Variants in CNBD1 observed in about 807,000 individuals in gnomAD.
CNBD1 encodes cyclic nucleotide-binding domain-containing protein 1.
A neutral mutation model predicts 54.4 loss-of-function variants in CNBD1; 71 were observed. The ratio of observed to expected loss-of-function variants is 1.30; its 90% CI spans 1.08 to 1.59. The LOEUF is 1.59. CNBD1 is among the 40% of genes most tolerant of loss of function. The pLI is 0.00. For missense variants in CNBD1, 659 were observed against 518.0 expected, an observed-to-expected ratio of 1.27 and a Z score of -2.64; for synonymous variants, 182 against 170.7, an observed-to-expected ratio of 1.07 and a Z score of -0.51.
rs185641195 is a variant in CNBD1 at position 87,143,807 on chromosome 8, G to A, written c.432-62186G>A. On this transcript the variant is annotated intron_variant, in intron 4 of 10. Coordinates refer to ENST00000518476, the MANE Select transcript of CNBD1 (RefSeq NM_173538.3). ...CTATTGGGAGTTCACTGTCTTGTTT[G>A]TTACATGGAGAATAAAATCTTTTAT... 2.8e-3 allele frequency among the ~76,000 whole-genome samples: 420 copies of A among 152,188 alleles called. 1 individual carries two copies. The highest frequency in any genetic ancestry group is 9.8e-3 in the African/African-American group (406 of 41,538).
At chr8:87,398,452 G>T (rs888859469) in intron 2 of CNBD1, among the ~76,000 whole-genome samples, 3 of 151,864 alleles carry the variant, frequency 2.0e-5, no homozygotes, top group Non-Finnish European at 2.9e-5. Flanking sequence ...ATAAACATTT[G>T]CTGTGTGTGT....
At chr8:87,385,507 T>A (rs1171201749), downstream of CNBD1, among the ~76,000 whole-genome samples, 2 of 151,866 alleles carry the variant, frequency 1.3e-5, no homozygotes, top group Admixed American at 1.3e-4. Flanking sequence ...CGCCCACGGA[T>A]CCTTGCTCAT....
intron 8 of CNBD1, among the ~76,000 whole-genome samples, chr8:87,328,761 A>T (rs939194587): frequency 6.6e-6 from 1 of 152,074 alleles, no homozygotes; most frequent in Non-Finnish European, 1.5e-5. Flanking sequence ...TTATTTATTT[A>T]TGCCCTCTTT....
At chr8:87,178,323 G>A (rs997597) in intron 4 of CNBD1, among the ~76,000 whole-genome samples, 30,861 of 152,128 alleles carry the variant, frequency 0.2, 3,444 homozygotes, top group Non-Finnish European at 0.24. Flanking sequence ...CTCTGAGAAA[G>A]CCTCAATGAG....
intron 4 of CNBD1, among the ~76,000 whole-genome samples, chr8:87,030,964 C>A (rs957213271): frequency 1.1e-4 from 15 of 133,324 alleles, no homozygotes; most frequent in African/African-American, 8.5e-5. Flanking sequence ...TCCTCTCCCC[C>A]CTTCTTTCTC....
intron 4 of CNBD1, among the ~76,000 whole-genome samples, chr8:86,985,525 G>A (rs1400506294): frequency 6.6e-6 from 1 of 152,106 alleles, no homozygotes; most frequent in Admixed American, 6.5e-5. Flanking sequence ...TTAGGATTAT[G>A]GGCTCAAGCT....
At chr8:87,414,939 T>G (rs1807812041) in intron 2 of CNBD1, among the ~76,000 whole-genome samples, 1 of 152,038 alleles carries the variant, frequency 6.6e-6, no homozygotes, top group Non-Finnish European at 1.5e-5. Context: ...GACCTGGAAC[T>G]GTTATTCCCC....
At chr8:87,390,950 A>T (rs1007311387) in intron 2 of CNBD1, among the ~76,000 whole-genome samples, 1 of 152,154 alleles carries the variant, frequency 6.6e-6, no homozygotes, top group Non-Finnish European at 1.5e-5. Context: ...AGGGAGATGG[A>T]TGAAGCTGGA....
At chr8:86,990,275 C>A (rs575283802) in intron 4 of CNBD1, among the ~76,000 whole-genome samples, 42 of 152,236 alleles carry the variant, frequency 2.8e-4, no homozygotes, top group Non-Finnish European at 7.3e-5. Context: ...TTTGCCTAGA[C>A]CAGCGTCCTA....
chr8:87,375,800 G>A (rs1274846761), intron 10 of CNBD1, among the ~76,000 whole-genome samples: 1 of 151,782 alleles, frequency 6.6e-6, no homozygotes, highest in Non-Finnish European at 1.5e-5. Flanking sequence ...AAGTTCTTTT[G>A]CAAAGGTACA....
chr8:87,225,350 T>A (rs1162930627), intron 5 of CNBD1, among the ~76,000 whole-genome samples: 2 of 151,868 alleles, frequency 1.3e-5, no homozygotes, highest in Non-Finnish European at 2.9e-5. Context: ...TTCCAGTTTT[T>A]GCCCATTCAG....
At chr8:87,046,270 C>A in intron 4 of CNBD1, among the ~76,000 whole-genome samples, 1 of 152,108 alleles carries the variant, frequency 6.6e-6, no homozygotes, top group East Asian at 1.9e-4. Flanking sequence ...AAATAGGCCT[C>A]TGGCTATAGC....
intron 3 of CNBD1, among the ~76,000 whole-genome samples, chr8:86,912,040 C>T (rs555033629): frequency 2.3e-4 from 35 of 152,120 alleles, no homozygotes; most frequent in Admixed American, 7.9e-4. Context: ...GTCAGTATTA[C>T]GCAAAATGTG....
At chr8:87,090,262 G>T (rs1811179200) in intron 4 of CNBD1, among the ~76,000 whole-genome samples, 1 of 152,182 alleles carries the variant, frequency 6.6e-6, no homozygotes, top group East Asian at 1.9e-4. Flanking sequence ...ATTTCCTTTG[G>T]TGATTCTCTA....
chr8:87,374,771 A>T (rs1810891008), intron 10 of CNBD1, among the ~76,000 whole-genome samples: 1 of 151,860 alleles, frequency 6.6e-6, no homozygotes, highest in South Asian at 2.1e-4. Context: ...TGATGATGAG[A>T]ACCTAGACCT....
At chr8:87,303,582 G>C (rs577935717) in intron 8 of CNBD1, among the ~76,000 whole-genome samples, 1 of 152,104 alleles carries the variant, frequency 6.6e-6, no homozygotes, top group Admixed American at 6.5e-5. Context: ...CATGGGCAAG[G>C]TCTTCATGTC....
chr8:87,015,750 C>T (rs186409762), intron 4 of CNBD1, among the ~76,000 whole-genome samples: 157 of 151,908 alleles, frequency 1.0e-3, no homozygotes, highest in Middle Eastern at 3.4e-3. Flanking sequence ...GAGGCCGAGG[C>T]GGGTGGATCA....
In CNBD1 at chr8:87,276,120, G is replaced by A. The variant is rs924910226; in HGVS notation, c.772-8558G>A. On this transcript the variant is annotated intron_variant, in intron 6 of 10. Coordinates refer to ENST00000518476, the MANE Select transcript of CNBD1 (RefSeq NM_173538.3). ...CATTACTCTCATTACTATCTAATACGTATATATAGTATAGGCATTGGAGAG... is the reference window on the plus strand; with the variant it reads ...CATTACTCTCATTACTATCTAATACATATATATAGTATAGGCATTGGAGAG... Among the ~76,000 whole-genome samples the A allele has an allele frequency of 9.9e-5, 15 of 151,824 alleles. No homozygotes were observed. In the South Asian group the frequency reaches 2.1e-3, roughly 21 times the overall value.
intron 4 of CNBD1, among the ~76,000 whole-genome samples, chr8:87,031,950 AG>A (rs1809803706): frequency 6.6e-6 from 1 of 152,122 alleles, no homozygotes; most frequent in Non-Finnish European, 1.5e-5. Flanking sequence ...CATGTTGGCC[AG>A]GCTGGTCTTG....
Sources: allele counts gnomAD v4.1 joint callset (sites outside exome capture counted in the v4.1 genomes callset), GRCh38; gene constraint gnomAD v4.1.1; transcripts MANE v1.5; gene names NCBI Gene and HGNC (gene_info 2026-07-23, HGNC 2026-07-21).